LILRB1: variants seen among roughly 807,000 people sequenced by gnomAD.
LILRB1 encodes the protein leukocyte immunoglobulin-like receptor subfamily B member 1.
LILRB1 carries 59 observed loss-of-function variants against 74.6 expected under a neutral mutation model. That is an observed-to-expected ratio of 0.79 (90% CI 0.64 to 0.98). The LOEUF (loss-of-function observed/expected upper bound fraction) is 0.98, where lower values mean the gene tolerates loss of function less well. Ranked by LOEUF, LILRB1 falls within the 50% of genes least tolerant of loss-of-function variation. The pLI is 0.00. For missense variants in LILRB1, 804 were observed against 822.6 expected, an observed-to-expected ratio of 0.98 and a Z score of 0.28; for synonymous variants, 328 against 333.9, an observed-to-expected ratio of 0.98 and a Z score of 0.19.
chr19:54,625,132 C>T (rs1035860826), intron 1 of LILRB1, among the ~76,000 whole-genome samples: 2 of 137,434 alleles, frequency 1.5e-5, no homozygotes, highest in African/African-American at 5.1e-5. Flanking sequence ...CTGCAAAGGG[C>T]TTGTCAGGGG....
intron 1 of LILRB1, among the ~76,000 whole-genome samples, chr19:54,624,644 C>G (rs1298810093): frequency 6.6e-6 from 1 of 152,082 alleles, no homozygotes; most frequent in African/African-American, 2.4e-5. Context: ...TAGGAAAGGG[C>G]AGGTAGTTCC....
Position 54,633,668 on chromosome 19 carries a change from C to T in LILRB1, c.1292C>T (p.Thr431Ile), listed in dbSNP as rs1599855475. ...TCTGGGGGCCCCAGCTCCCCGACAACAGGCCCCACCTCCACATCTGGTGAG... is the reference window on the plus strand; with the variant it reads ...TCTGGGGGCCCCAGCTCCCCGACAATAGGCCCCACCTCCACATCTGGTGAG... ...GPSGGPSSPTTGPTSTSAGPE... is the reference protein window; with the variant it reads ...GPSGGPSSPTIGPTSTSAGPE... Residue 431 changes from threonine to isoleucine, a missense_variant, in exon 8 of 15, where the codon ACA becomes ATA. Transcript: ENST00000324602. 3.7e-6 allele frequency: 6 copies of T among 1,613,748 alleles called. No homozygotes were observed. Among genetic ancestry groups the T allele is most frequent in the Admixed American group, 3.3e-5 (2 of 59,998 alleles).
chr19:54,632,790 C>T lies in LILRB1; in HGVS notation c.958+30C>T, dbSNP rs2064006991. The T allele has an allele frequency of 1.9e-6, 3 of 1,611,114 alleles. No individual in the cohort carries two copies. The African/African-American group carries it at 4.0e-5, about 22-fold the overall frequency. ...GGAGCCCAGCGGGTTCAGTCAGGGA[C>T]CCAGGCTCCGCACAGGCCCTGCCGG... is the stretch of plus-strand genomic sequence containing the variant. On this transcript the variant is annotated intron_variant, in intron 6 of 14. Transcript: ENST00000324602.
At chr19:54,632,840 G>A (rs1320070800) in intron 6 of LILRB1, 80 bp downstream of exon 6, 6 of 1,471,124 alleles carry the variant, frequency 4.1e-6, no homozygotes, top group South Asian at 1.2e-5. Context: ...TGATGGCCGG[G>A]ATGAGGGATG....
At chr19:54,631,373 G>C in intron 3 of LILRB1, 67 bp downstream of exon 3, 6 of 1,613,292 alleles carry the variant, frequency 3.7e-6, no homozygotes, top group Non-Finnish European at 5.1e-6. Flanking sequence ...CCCCCGTGCC[G>C]CTGGGGATGG....
At chr19:54,617,937 A>G (rs1291103555) in intron 1 of LILRB1, among the ~76,000 whole-genome samples, 2 of 151,812 alleles carry the variant, frequency 1.3e-5, no homozygotes, top group African/African-American at 4.8e-5. Context: ...CCCTGTCTCT[A>G]CTAAAAATGC....
upstream of LILRB1, among the ~76,000 whole-genome samples, chr19:54,627,438 G>A (rs1226945040): frequency 2.6e-5 from 4 of 152,136 alleles, no homozygotes; most frequent in Non-Finnish European, 5.9e-5. Context: ...AGGAGAGGAG[G>A]CCCATGCTTC....
intron 1 of LILRB1, among the ~76,000 whole-genome samples, chr19:54,622,789 T>C (rs753381700): frequency 1.3e-5 from 2 of 152,230 alleles, no homozygotes; most frequent in Non-Finnish European, 2.9e-5. Context: ...CCATTCAATT[T>C]TAAGGTTGGC....
At chr19:54,627,544 T>C (rs1357064189), upstream of LILRB1, among the ~76,000 whole-genome samples, 2 of 152,216 alleles carry the variant, frequency 1.3e-5, no homozygotes, top group African/African-American at 4.8e-5. Flanking sequence ...ACGAGGTTTA[T>C]CACTAGATAT....
chr19:54,635,160 G>A lies in LILRB1; in HGVS notation c.1543G>A (p.Asp515Asn), dbSNP rs1172059364. ...AGGGGCTGTGGGGCCAGAGCCCACA[G>A]ACAGAGGCCTGCAGTGGAGGTAATT... Reference protein sequence around the residue: ...PAGAVGPEPTDRGLQWRSSPA... With the variant: ...PAGAVGPEPTNRGLQWRSSPA... The change falls in exon 11 of 15, where the codon GAC (aspartate) becomes AAC (asparagine). Residue 515 changes from aspartate (D) to asparagine (N), a missense_variant. Asp to Asn is a conservative substitution (Grantham distance 23). Transcript: ENST00000324602. 1 of 1,595,448 alleles carries A rather than the reference G, an allele frequency of 6.3e-7. No individual in the cohort carries two copies. The highest frequency in any genetic ancestry group is 2.2e-5 in the East Asian group (1 of 44,492).
At position 54,637,948 on chromosome 19, in the gene LILRB1, G is replaced by C. The variant is rs934751645; in HGVS notation, c.*1070G>C. On this transcript the variant is annotated 3_prime_UTR_variant, in exon 15 of 15. Transcript: ENST00000324602. ...TAATCAGAGAATCTGACTCATTTTA[G>C]ATGTGTGTGTGTGTGTATATATATG... Among the ~76,000 whole-genome samples, 1 of 151,852 alleles carries C rather than the reference G, an allele frequency of 6.6e-6. No individual in the cohort carries two copies. Among genetic ancestry groups the C allele is most frequent in the African/African-American group, 2.4e-5 (1 of 41,160 alleles).
At chr19:54,634,379 C>T (rs1312968763) in intron 9 of LILRB1, 2 of 1,538,960 alleles carry the variant, frequency 1.3e-6, no homozygotes, top group Non-Finnish European at 8.8e-7. Flanking sequence ...GGGCTCGGCT[C>T]TGGTGCAGGA....
chr19:54,627,343 T>G (rs2146207128), upstream of LILRB1, among the ~76,000 whole-genome samples: 1 of 152,270 alleles, frequency 6.6e-6, no homozygotes, highest in South Asian at 2.1e-4. Context: ...ATCCCTTCAC[T>G]GCAGACACCC....
intron 3 of LILRB1, 58 bp downstream of exon 3, chr19:54,631,364 C>T (rs1246341649): frequency 1.2e-6 from 2 of 1,613,034 alleles, no homozygotes; most frequent in Non-Finnish European, 1.7e-6. Flanking sequence ...AAGGGGCCAC[C>T]CCCGTGCCGC....
chr19:54,624,059 G>C (rs1429081830), intron 1 of LILRB1, among the ~76,000 whole-genome samples: 13 of 152,182 alleles, frequency 8.5e-5, no homozygotes, highest in Admixed American at 3.9e-4. Context: ...GGTGCTGACT[G>C]TTGTTTCAGG....
At chr19:54,636,393 G>T in intron 13 of LILRB1, 101 bp from the exon 14 acceptor site, 3 of 1,542,192 alleles carry the variant, frequency 1.9e-6, no homozygotes, top group Non-Finnish European at 2.6e-6. Context: ...AGATTCCATC[G>T]GGAAAGGGAT....
At chr19:54,617,589 G>GTGGTGTGT (rs58534340) in intron 1 of LILRB1, among the ~76,000 whole-genome samples, 1 of 127,384 alleles carries the variant, frequency 7.9e-6, no homozygotes, top group African/African-American at 3.0e-5. Flanking sequence ...GTGTGTGTGT[G>GTGGTGTGT]GTGTGTGTGT....
intron 7 of LILRB1, among the ~76,000 whole-genome samples, 153 bp from the exon 8 acceptor site, chr19:54,633,485 C>A (rs1281860875): frequency 6.6e-6 from 1 of 152,202 alleles, no homozygotes; most frequent in Non-Finnish European, 1.5e-5. Flanking sequence ...CAGGCCTGCC[C>A]ACCCTCAGTG....
chr19:54,631,812 G>A, intron 4 of LILRB1, 25 bp downstream of exon 4: 2 of 1,611,840 alleles, frequency 1.2e-6, no homozygotes, highest in Non-Finnish European at 1.7e-6. Flanking sequence ...AGGGGTCCCA[G>A]CCCCAGACTC....
Sources: gnomAD v4.1 joint callset for allele counts (sites outside exome capture counted in the v4.1 genomes callset) on GRCh38, gnomAD v4.1.1 for gene constraint, MANE v1.5 for transcripts, NCBI Gene and HGNC (gene_info 2026-07-23, HGNC 2026-07-21) for gene names.